The following CCDC141 variants were observed in gnomAD, a reference collection of about 807,000 sequenced individuals.
CCDC141 encodes the protein coiled-coil domain-containing protein 141.
Under a neutral mutation model 181.0 loss-of-function variants are expected in CCDC141, and 168 were observed. That is an observed-to-expected ratio of 0.93 (90% CI 0.82 to 1.05). The LOEUF (loss-of-function observed/expected upper bound fraction) is 1.05. CCDC141 is among the 50% of genes least tolerant of loss of function. The probability of loss-of-function intolerance (pLI) is 0.00; values close to 1 mark genes in which losing one functional copy is unlikely to be tolerated. For missense variants in CCDC141, 1,902 were observed against 1,788.5 expected, an observed-to-expected ratio of 1.06 and a Z score of -1.14; for synonymous variants, 666 against 642.3, an observed-to-expected ratio of 1.04 and a Z score of -0.56.
At chr2:178,986,077 T>C (rs543966529) in intron 2 of CCDC141, among the ~76,000 whole-genome samples, 1 of 152,180 alleles carries the variant, frequency 6.6e-6, no homozygotes, top group African/African-American at 2.4e-5. Flanking sequence ...AATAAAATAC[T>C]GGCAAACCGA....
chr2:178,903,807 C>A (rs1169780646), intron 8 of CCDC141, among the ~76,000 whole-genome samples: 3 of 151,348 alleles, frequency 2.0e-5, no homozygotes, highest in East Asian at 1.9e-4. Context: ...TTTCCACAGC[C>A]AGGGAACATG....
chr2:178,984,338 C>T (rs912481240), intron 2 of CCDC141, among the ~76,000 whole-genome samples: 6 of 151,400 alleles, frequency 4.0e-5, no homozygotes, highest in Non-Finnish European at 7.4e-5. Context: ...AAAGGAACAA[C>T]CAGTACCAGC....
At chr2:179,022,071 G>T (rs553660170) in intron 2 of CCDC141, among the ~76,000 whole-genome samples, 1 of 152,224 alleles carries the variant, frequency 6.6e-6, no homozygotes, top group South Asian at 2.1e-4. Context: ...TCTGTTAAAT[G>T]AAGTAAATAA....
At chr2:178,981,461 T>C (rs1012644071) in intron 2 of CCDC141, among the ~76,000 whole-genome samples, 11 of 151,382 alleles carry the variant, frequency 7.3e-5, no homozygotes, top group Non-Finnish European at 1.5e-4. Context: ...AATACCACAA[T>C]ATTTTAATAT....
chr2:178,873,264 A>G (rs997875024), intron 12 of CCDC141: 4 of 148,294 alleles, frequency 2.7e-5, no homozygotes, highest in African/African-American at 1.0e-4. Context: ...TTATATTTTT[A>G]TGTTATTTTA....
intron 6 of CCDC141, among the ~76,000 whole-genome samples, chr2:178,931,964 G>A (rs1306397496): frequency 6.6e-6 from 1 of 151,964 alleles, no homozygotes; most frequent in Admixed American, 6.6e-5. Flanking sequence ...TGAGGAGTTC[G>A]AGACCAGCCT....
intron 5 of CCDC141, among the ~76,000 whole-genome samples, chr2:178,949,125 T>C (rs1559000779): frequency 6.6e-6 from 1 of 152,156 alleles, no homozygotes; most frequent in Non-Finnish European, 1.5e-5. Flanking sequence ...TACAGGGATG[T>C]ACCAAAAAGA....
chr2:178,857,884 A>G (rs1685452958), intron 17 of CCDC141, among the ~76,000 whole-genome samples: 1 of 152,204 alleles, frequency 6.6e-6, no homozygotes, highest in Non-Finnish European at 1.5e-5. Flanking sequence ...GCCCTACAAA[A>G]TGCATGCTTT....
In CCDC141 at chr2:178,892,294, C is replaced by T. The variant is rs368431222; in HGVS notation, c.1266-3626G>A. On this transcript the variant is annotated intron_variant, in intron 8 of 23. Coordinates refer to ENST00000443758, the MANE Select transcript of CCDC141 (RefSeq NM_173648.4). ...CCTTGTCATTCTGTGCACCATTGCC[C>T]GTCCTGTGTGTACTCCACTCTCACA... 1.4e-4 allele frequency among the ~76,000 whole-genome samples: 21 copies of T among 152,272 alleles called. No homozygotes were observed. The East Asian group carries it at 3.3e-3, about 24-fold the overall frequency.
chr2:178,888,784 A>T, intron 8 of CCDC141, 116 bp from the exon 9 acceptor site: 1 of 1,101,832 alleles, frequency 9.1e-7, no homozygotes, highest in Non-Finnish European at 1.3e-6. Context: ...CAGCTTTAGG[A>T]TAACAGAAGT....
chr2:178,918,587 C>T lies in CCDC141; in HGVS notation c.1092+126G>A, dbSNP rs1018301625. On this transcript the variant is annotated intron_variant, in intron 7 of 23. Transcript: ENST00000443758. ...GAATATATGTTAAAAGCTCTCTTTG[C>T]TGCTATCAGTTTTGAAATTTTACAT... The T allele has an allele frequency of 4.6e-6, 3 of 655,558 alleles. No individual in the cohort carries two copies. In the African/African-American group the frequency reaches 5.4e-5, roughly 12 times the overall value. 40.6% of individuals were successfully genotyped at this position (655,558 alleles called of 1,614,324 possible).
At chr2:179,019,849 C>G (rs1267570143) in intron 2 of CCDC141, among the ~76,000 whole-genome samples, 1 of 152,084 alleles carries the variant, frequency 6.6e-6, no homozygotes, top group Non-Finnish European at 1.5e-5. Flanking sequence ...TCACTGCAGC[C>G]TCAACCTCCT....
At chr2:179,044,540 G>T (rs7597990) in intron 2 of CCDC141, among the ~76,000 whole-genome samples, 4 of 152,156 alleles carry the variant, frequency 2.6e-5, no homozygotes, top group African/African-American at 9.7e-5. Context: ...GGATGGAGTA[G>T]GGATGAAGGG....
chr2:178,856,642 G>A (rs1481138397), intron 17 of CCDC141, among the ~76,000 whole-genome samples: 2 of 151,596 alleles, frequency 1.3e-5, no homozygotes, highest in African/African-American at 2.4e-5. Context: ...AGGCTGGAGT[G>A]CATTGGCACG....
chr2:178,925,253 G>A (rs377109757), intron 6 of CCDC141, among the ~76,000 whole-genome samples: 41 of 152,224 alleles, frequency 2.7e-4, no homozygotes, highest in African/African-American at 8.7e-4. Flanking sequence ...TATTTAGTTC[G>A]TTTATTTTAG....
chr2:178,901,770 G>A, intron 8 of CCDC141, among the ~76,000 whole-genome samples: 1 of 151,830 alleles, frequency 6.6e-6, no homozygotes, highest in African/African-American at 2.4e-5. Context: ...AATTAGGCAG[G>A]AGAAGGAAAT....
Position 178,853,621 on chromosome 2 carries a change from G to T in CCDC141, c.3064C>A (p.His1022Asn). 2 of 1,610,908 alleles carry T rather than the reference G, an allele frequency of 1.2e-6. No homozygotes were observed. The highest frequency in any genetic ancestry group is 1.1e-5 in the South Asian group (1 of 90,762). ...GCACTTGCATCTTCGTACCAAAAAT[G>T]ACACTAAATTTAAATGGGATAAAGC... ...EHFQEVIEECHFWYEDASATV... is the reference protein window; with the variant it reads ...EHFQEVIEECNFWYEDASATV... The change falls in exon 20 of 24, where the codon CAT (histidine) becomes AAT (asparagine). Residue 1022 changes from histidine (H) to asparagine (N), a missense_variant. By Grantham distance (68) the His-to-Asn change is moderately conservative. Coordinates refer to ENST00000443758, the MANE Select transcript of CCDC141 (RefSeq NM_173648.4).
intron 2 of CCDC141, among the ~76,000 whole-genome samples, chr2:179,041,069 T>C (rs2043285046): frequency 6.6e-6 from 1 of 152,018 alleles, no homozygotes; most frequent in Non-Finnish European, 1.5e-5. Flanking sequence ...TTTTGTTTGT[T>C]TGTTTGTTTG....
chr2:178,832,547 A>C lies in CCDC141; in HGVS notation c.*1626T>G, dbSNP rs1684302036. 6.6e-6 allele frequency: 1 copy of C among 151,556 alleles called. No individual in the cohort carries two copies. Among genetic ancestry groups the C allele is most frequent in the Non-Finnish European group, 1.5e-5 (1 of 67,856 alleles). The allele number at this position is 151,556 out of a possible 1,614,324, so 9.4% of individuals were successfully genotyped here. On this transcript the variant is annotated 3_prime_UTR_variant, in exon 24 of 24. Coordinates refer to ENST00000443758, the MANE Select transcript of CCDC141 (RefSeq NM_173648.4). ...TAGAATGCTGTGTATACAAGCTTTT[A>C]ATATAGTTCTATCAAAATTTAGAAG...
Sources: gnomAD v4.1 joint callset for allele counts (sites outside exome capture counted in the v4.1 genomes callset) on GRCh38, gnomAD v4.1.1 for gene constraint, MANE v1.5 for transcripts, NCBI Gene and HGNC (gene_info 2026-07-23, HGNC 2026-07-21) for gene names.